DISC1: variants seen among roughly 807,000 people sequenced by gnomAD.
DISC1 encodes disrupted in schizophrenia 1 protein.
A neutral mutation model predicts 84.5 loss-of-function variants in DISC1; 57 were observed. The ratio of observed to expected loss-of-function variants is 0.67; its 90% CI spans 0.55 to 0.84. The LOEUF (loss-of-function observed/expected upper bound fraction) is 0.84. Among genes scored for constraint, DISC1 ranks in the 40% least tolerant of loss-of-function variants. DISC1 has a pLI of 0.00. For synonymous variants in DISC1, 411 were observed against 415.2 expected (o/e 0.99, Z 0.12); for missense variants, 1,000 against 1,057.8 (o/e 0.95, Z 0.76).
chr1:231,987,009 T>C (rs71638411), intron 10 of DISC1, among the ~76,000 whole-genome samples: 6,959 of 152,280 alleles, frequency 0.046, 206 homozygotes, highest in Non-Finnish European at 0.072. Flanking sequence ...GGGTAATTAC[T>C]TTCTCGTCCT....
intron 9 of DISC1, among the ~76,000 whole-genome samples, chr1:231,904,325 C>T (rs1478603868): frequency 6.6e-6 from 1 of 152,182 alleles, no homozygotes; most frequent in African/African-American, 2.4e-5. Flanking sequence ...CCTCCCTTCT[C>T]TTCCTTTTCT....
intron 12 of DISC1, among the ~76,000 whole-genome samples, chr1:232,033,844 A>T (rs574734181): frequency 9.2e-5 from 14 of 152,242 alleles, no homozygotes; most frequent in Non-Finnish European, 1.5e-4. Context: ...AAGTATGGAA[A>T]ATAAAGCTGT....
At chr1:231,643,989 T>A (rs765533043) in intron 1 of DISC1, among the ~76,000 whole-genome samples, 12 of 152,210 alleles carry the variant, frequency 7.9e-5, no homozygotes, top group Non-Finnish European at 1.0e-4. Flanking sequence ...AGATACCTTT[T>A]AAAAATTTGC....
intron 9 of DISC1, among the ~76,000 whole-genome samples, chr1:231,870,017 G>A (rs1169326700): frequency 3.3e-5 from 5 of 152,200 alleles, no homozygotes; most frequent in Non-Finnish European, 7.4e-5. Flanking sequence ...GGCACTACTT[G>A]AGCCTGTAAG....
chr1:232,035,611 G>C (rs1455360458), intron 12 of DISC1, among the ~76,000 whole-genome samples: 1 of 152,176 alleles, frequency 6.6e-6, no homozygotes, highest in Admixed American at 6.5e-5. Flanking sequence ...CTCCATGTCT[G>C]ATCTAGTACT....
chr1:231,896,282 C>T (rs761915321), intron 9 of DISC1, among the ~76,000 whole-genome samples: 19 of 152,018 alleles, frequency 1.2e-4, no homozygotes, highest in Admixed American at 2.0e-4. Context: ...ACTTGGGGTC[C>T]GGGGCAGGCT....
chr1:231,866,132 C>A (rs2085037041), intron 9 of DISC1, among the ~76,000 whole-genome samples: 1 of 152,036 alleles, frequency 6.6e-6, no homozygotes, highest in Non-Finnish European at 1.5e-5. Flanking sequence ...CATAGTGGCC[C>A]ACATCCCCCC....
At chr1:231,871,548 C>G (rs931211303) in intron 9 of DISC1, among the ~76,000 whole-genome samples, 1 of 152,194 alleles carries the variant, frequency 6.6e-6, no homozygotes, top group Non-Finnish European at 1.5e-5. Context: ...TAGCTGGTGG[C>G]TTTTATTCCT....
At chr1:231,651,266 T>A (rs2060599762) in intron 1 of DISC1, among the ~76,000 whole-genome samples, 1 of 152,198 alleles carries the variant, frequency 6.6e-6, no homozygotes, top group South Asian at 2.1e-4. Flanking sequence ...ATGTCCTTTT[T>A]GTTGATGTTG....
chr1:231,880,468 A>G (rs2086208363), intron 9 of DISC1, among the ~76,000 whole-genome samples: 1 of 152,188 alleles, frequency 6.6e-6, no homozygotes, highest in African/African-American at 2.4e-5. Context: ...ATTCAAATTA[A>G]AGTTTGAATA....
At chr1:231,789,123 G>A (rs1018843632) in intron 6 of DISC1, among the ~76,000 whole-genome samples, 1 of 152,184 alleles carries the variant, frequency 6.6e-6, no homozygotes, top group South Asian at 2.1e-4. Flanking sequence ...GATTGGGGTG[G>A]AAGACGAGTG....
In DISC1 at chr1:231,967,296, G is replaced by A. The variant is rs79856444; in HGVS notation, c.2042+8408G>A. 2.6e-3 allele frequency among the ~76,000 whole-genome samples: 401 copies of A among 152,276 alleles called. 3 individuals carry two copies. The highest frequency in any genetic ancestry group is 8.8e-3 in the African/African-American group (364 of 41,536). ...CAACTGCTCTCAATCTAATGAAGAC[G>A]GGAACCGGGGTCAAAAATTGGAGCA... On this transcript the variant is annotated intron_variant, in intron 10 of 12. Transcript: ENST00000439617.
chr1:231,628,018 G>T (rs535611755), intron 1 of DISC1, among the ~76,000 whole-genome samples: 3 of 152,104 alleles, frequency 2.0e-5, no homozygotes, highest in Non-Finnish European at 4.4e-5. Flanking sequence ...GAAGCACCTC[G>T]CCCAATGCCT....
chr1:231,973,671 A>G (rs1459277914), intron 10 of DISC1, among the ~76,000 whole-genome samples: 2 of 152,242 alleles, frequency 1.3e-5, no homozygotes, highest in Non-Finnish European at 2.9e-5. Flanking sequence ...GTGTGATCAC[A>G]TGCATTTTTC....
At chr1:232,024,037 ATATATATG>A (rs1669209099) in intron 11 of DISC1, among the ~76,000 whole-genome samples, 1 of 141,918 alleles carries the variant, frequency 7.0e-6, no homozygotes, top group Non-Finnish European at 1.6e-5. Flanking sequence ...ATACACACAC[ATATATATG>A]TATATATGTG....
rs201446643 is a variant in DISC1 at position 231,899,533 on chromosome 1, C to T, written c.1982-59295C>T. ...TAAGTTTTACCTAATTAAAATGCTG[C>T]ATCTGGTTTGGATGATCTGATTAAT... On this transcript the variant is annotated intron_variant, in intron 9 of 12. Transcript: ENST00000439617. Among the ~76,000 whole-genome samples, 6 of 152,302 alleles carry T rather than the reference C, an allele frequency of 3.9e-5. No homozygotes were observed. In the South Asian group the frequency reaches 8.3e-4, roughly 21 times the overall value.
At position 232,024,939 on chromosome 1, in the gene DISC1, A is replaced by T. The variant is rs540557957; in HGVS notation, c.2308-1496A>T. ...CTAAGCTTTTCACTCTTAGTTAAGG[A>T]AATATTATCTTTACATTTAAGTTTT... On this transcript the variant is annotated intron_variant, in intron 11 of 12. Coordinates refer to ENST00000439617, the MANE Select transcript of DISC1 (RefSeq NM_018662.3). 3.3e-5 allele frequency among the ~76,000 whole-genome samples: 5 copies of T among 152,268 alleles called. No homozygotes were observed. The South Asian group carries it at 1.0e-3, about 32-fold the overall frequency.
At chr1:231,791,842 G>A (rs1315028794) in intron 6 of DISC1, among the ~76,000 whole-genome samples, 2 of 152,186 alleles carry the variant, frequency 1.3e-5, no homozygotes, top group Non-Finnish European at 2.9e-5. Context: ...CTGGAATTAC[G>A]GTTTGGGGAC....
chr1:232,009,087 A>G lies in DISC1; in HGVS notation c.2307+38A>G, dbSNP rs752554608. On this transcript the variant is annotated intron_variant, in intron 11 of 12. Coordinates refer to ENST00000439617, the MANE Select transcript of DISC1 (RefSeq NM_018662.3). The surrounding 1 kb of genome is among the most constrained non-coding windows in gnomAD (Gnocchi z 4.6). ...CACATGGCCTCCAGAGGGGACCCTT[A>G]TTCTAAGGGGTGCTTTGGGACCATG... is the stretch of plus-strand genomic sequence containing the variant. 2 of 1,613,134 alleles carry G rather than the reference A, an allele frequency of 1.2e-6. No homozygotes were observed. The highest frequency in any genetic ancestry group is 1.7e-6 in the Non-Finnish European group (2 of 1,179,570).
Sources: gnomAD v4.1 joint callset for allele counts (sites outside exome capture counted in the v4.1 genomes callset) on GRCh38, gnomAD v4.1.1 for gene constraint, Gnocchi (gnomAD v3.1) non-coding constraint, MANE v1.5 for transcripts, NCBI Gene and HGNC (gene_info 2026-07-23, HGNC 2026-07-21) for gene names.